EML1: variants seen among roughly 807,000 people sequenced by gnomAD.
EML1 encodes echinoderm microtubule-associated protein-like 1.
Under a neutral mutation model 110.4 loss-of-function variants are expected in EML1, and 27 were observed. The observed-to-expected ratio is 0.24, with a 90% confidence interval of 0.18 to 0.34. The LOEUF (loss-of-function observed/expected upper bound fraction) is 0.34, where lower values mean the gene tolerates loss of function less well. EML1 is among the 10% of genes least tolerant of loss of function. EML1 has a pLI of 1.00. For missense variants in EML1, 741 were observed against 1,030.9 expected, an observed-to-expected ratio of 0.72 and a Z score of 3.85; for synonymous variants, 344 against 385.8, an observed-to-expected ratio of 0.89 and a Z score of 1.27.
intron 10 of EML1, 61 bp downstream of exon 10, chr14:99,907,794 A>G: frequency 1.3e-6 from 2 of 1,532,778 alleles, no homozygotes; most frequent in Non-Finnish European, 1.8e-6. Flanking sequence ...CCGCCCTGGC[A>G]TAGTGGTAGC....
At chr14:99,844,297 A>G (rs2058674911) in intron 1 of EML1, among the ~76,000 whole-genome samples, 1 of 151,984 alleles carries the variant, frequency 6.6e-6, no homozygotes, top group Admixed American at 6.6e-5. Flanking sequence ...TGGCCCACAT[A>G]GCGAAACCCC....
intron 6 of EML1, among the ~76,000 whole-genome samples, chr14:99,896,230 A>G (rs2140003005): frequency 6.6e-6 from 1 of 152,316 alleles, no homozygotes; most frequent in Middle Eastern, 3.4e-3. Context: ...AACACAAATT[A>G]TAAGATGTTG....
At chr14:99,862,501 G>T (rs2059018576) in intron 2 of EML1, among the ~76,000 whole-genome samples, 1 of 152,150 alleles carries the variant, frequency 6.6e-6, no homozygotes. Context: ...ATGGGGATTT[G>T]TCCGTTCTCT....
intron 20 of EML1, among the ~76,000 whole-genome samples, 198 bp from the exon 21 acceptor site, chr14:99,938,999 G>C (rs1469418949): frequency 2.0e-5 from 3 of 152,202 alleles, no homozygotes; most frequent in Admixed American, 1.3e-4. Flanking sequence ...GAGGGTCTCC[G>C]AGACTGGCCT....
chr14:99,905,137 G>A lies in EML1; in HGVS notation c.1009-2501G>A, dbSNP rs1055062393. Among the ~76,000 whole-genome samples the A allele has an allele frequency of 6.6e-6, 1 of 152,132 alleles. No individual in the cohort carries two copies. Among genetic ancestry groups the A allele is most frequent in the Non-Finnish European group, 1.5e-5 (1 of 68,016 alleles). ...CTTCTGGGTTCCCTTTCCCTGAGGC[G>A]GCCCTAGTGATCCAGCTGGCTGCAC... On this transcript the variant is annotated intron_variant, in intron 9 of 21. Coordinates refer to ENST00000262233, the MANE Select transcript of EML1 (RefSeq NM_004434.3). This position sits in a 1 kb window ranked among gnomAD's most constrained non-coding sequence, Gnocchi z 4.1.
At chr14:99,794,871 T>C (rs2057741524) in intron 1 of EML1, among the ~76,000 whole-genome samples, 1 of 152,244 alleles carries the variant, frequency 6.6e-6, no homozygotes, top group South Asian at 2.1e-4. Context: ...TACTTTATAG[T>C]ATAGAGTCAT....
At chr14:99,873,071 C>T (rs1434339204) in intron 3 of EML1, among the ~76,000 whole-genome samples, 1 of 152,096 alleles carries the variant, frequency 6.6e-6, no homozygotes, top group African/African-American at 2.4e-5. Context: ...GCAGAAAATC[C>T]AGGGAAGACA....
At chr14:99,756,980 C>G (rs1229982372) in intron 1 of EML1, among the ~76,000 whole-genome samples, 1 of 152,238 alleles carries the variant, frequency 6.6e-6, no homozygotes, top group Non-Finnish European at 1.5e-5. Flanking sequence ...TCTACACACA[C>G]ATCCCCAGGA....
chr14:99,854,624 C>G (rs2058870483), intron 2 of EML1, among the ~76,000 whole-genome samples: 1 of 152,128 alleles, frequency 6.6e-6, no homozygotes, highest in Non-Finnish European at 1.5e-5. Flanking sequence ...TCTCCTTTTC[C>G]TTTGATATTT....
intron 3 of EML1, among the ~76,000 whole-genome samples, chr14:99,876,984 G>A (rs2059303410): frequency 6.6e-6 from 1 of 152,188 alleles, no homozygotes; most frequent in African/African-American, 2.4e-5. Flanking sequence ...TTTTAAGTAT[G>A]TACAGAGATA....
intron 8 of EML1, chr14:99,899,596 C>A (rs932449474): frequency 6.6e-6 from 1 of 152,110 alleles, no homozygotes. Flanking sequence ...GGATTACTGG[C>A]GTGAACCACT....
intron 1 of EML1, among the ~76,000 whole-genome samples, chr14:99,842,871 A>G (rs1215313846): frequency 1.3e-5 from 2 of 152,188 alleles, no homozygotes; most frequent in Non-Finnish European, 2.9e-5. Flanking sequence ...GGCAGCCACA[A>G]TAAATGTGCT....
intron 1 of EML1, among the ~76,000 whole-genome samples, chr14:99,738,787 C>T (rs2057000667): frequency 6.6e-6 from 1 of 152,228 alleles, no homozygotes; most frequent in Non-Finnish European, 1.5e-5. Context: ...AGCAGGTGGG[C>T]ACCCTGGGCA....
chr14:99,889,317 T>C (rs1043612407), intron 4 of EML1, among the ~76,000 whole-genome samples: 21 of 152,072 alleles, frequency 1.4e-4, no homozygotes, highest in Non-Finnish European at 2.9e-4. Flanking sequence ...GCACAGATCC[T>C]TGGGGCCTGC....
intron 1 of EML1, among the ~76,000 whole-genome samples, chr14:99,758,765 G>A (rs948075808): frequency 4.6e-5 from 7 of 152,228 alleles, no homozygotes; most frequent in African/African-American, 1.7e-4. Flanking sequence ...GAGTCGCTCA[G>A]CCCTGCAACA....
chr14:99,833,897 C>A (rs1415654780), intron 1 of EML1, among the ~76,000 whole-genome samples: 1 of 152,106 alleles, frequency 6.6e-6, no homozygotes, highest in Non-Finnish European at 1.5e-5. Context: ...TGTATTCCTT[C>A]GATTTTCTAG....
At chr14:99,891,100 G>A in intron 4 of EML1, 99 bp from the exon 5 acceptor site, 2 of 1,365,262 alleles carry the variant, frequency 1.5e-6, no homozygotes, top group African/African-American at 1.4e-5. Context: ...TGCAGCATTT[G>A]TGTGGCAGAC....
chr14:99,905,821 G>A lies in EML1; in HGVS notation c.1009-1817G>A, dbSNP rs1218572793. 6.6e-6 allele frequency among the ~76,000 whole-genome samples: 1 copy of A among 152,100 alleles called. No homozygotes were observed. The highest frequency in any genetic ancestry group is 1.9e-4 in the East Asian group (1 of 5,176). On this transcript the variant is annotated intron_variant, in intron 9 of 21. Coordinates refer to ENST00000262233, the MANE Select transcript of EML1 (RefSeq NM_004434.3). This position sits in a 1 kb window ranked among gnomAD's most constrained non-coding sequence, Gnocchi z 4.1. ...AAGTTGGGCCTGGAACCCAAGGTCTGTCTAGCGTCCTTGCCTTTTATTAAG... is the reference window on the plus strand; with the variant it reads ...AAGTTGGGCCTGGAACCCAAGGTCTATCTAGCGTCCTTGCCTTTTATTAAG...
intron 1 of EML1, among the ~76,000 whole-genome samples, chr14:99,764,505 A>G (rs1370553208): frequency 2.6e-5 from 4 of 152,240 alleles, no homozygotes; most frequent in Admixed American, 2.6e-4. Flanking sequence ...ACAAGCTCCC[A>G]GGTTTAGCGG....
Sources: gnomAD v4.1 joint callset for allele counts (sites outside exome capture counted in the v4.1 genomes callset) on GRCh38, gnomAD v4.1.1 for gene constraint, Gnocchi (gnomAD v3.1) non-coding constraint, MANE v1.5 for transcripts, NCBI Gene and HGNC (gene_info 2026-07-23, HGNC 2026-07-21) for gene names.